The following ZFP62 variants were observed in gnomAD, a reference collection of about 807,000 sequenced individuals.
ZFP62 encodes ZFP62 zinc finger protein, also known as zinc finger protein 62 homolog.
In ZFP62, 44 loss-of-function variants were observed where a neutral mutation model predicts 56.4. The ratio of observed to expected loss-of-function variants is 0.78; its 90% CI spans 0.61 to 1.00. The LOEUF is 1.00. ZFP62 is among the 50% of genes least tolerant of loss of function. ZFP62 has a pLI of 0.00. For synonymous variants in ZFP62, 421 were observed against 388.9 expected (o/e 1.08, Z -0.97); for missense variants, 1,030 against 1,085.7 (o/e 0.95, Z 0.72).
chr5:180,841,284 C>CAT, the ZFP62 span, among the ~76,000 whole-genome samples: 8 of 141,302 alleles, frequency 5.7e-5, no homozygotes, highest in African/African-American at 8.0e-5. Flanking sequence ...TATATACATA[C>CAT]ATATATATAC....
downstream of ZFP62, among the ~76,000 whole-genome samples, chr5:180,845,090 G>C (rs1270288457): frequency 1.3e-5 from 2 of 152,036 alleles, no homozygotes; most frequent in Non-Finnish European, 2.9e-5. Flanking sequence ...TCAGCACCTT[G>C]GGAGTCTGAG....
At chr5:180,837,312 C>T in the ZFP62 span, among the ~76,000 whole-genome samples, 1 of 152,216 alleles carries the variant, frequency 6.6e-6, no homozygotes, top group Non-Finnish European at 1.5e-5. Context: ...CGTGTGACAT[C>T]ATCACTAGCA....
chr5:180,844,153 T>A (rs1397952039), downstream of ZFP62, among the ~76,000 whole-genome samples: 1 of 152,252 alleles, frequency 6.6e-6, no homozygotes, highest in Non-Finnish European at 1.5e-5. Context: ...ACTTTTGCTC[T>A]CATTCTTATC....
the ZFP62 span, chr5:180,835,599 T>C: frequency 6.6e-6 from 1 of 152,216 alleles, no homozygotes; most frequent in South Asian, 2.1e-4. Context: ...GTAACTGTTG[T>C]GAGGTAAAAA....
At chr5:180,846,767 C>G (rs1773421887), downstream of ZFP62, among the ~76,000 whole-genome samples, 1 of 152,222 alleles carries the variant, frequency 6.6e-6, no homozygotes, top group African/African-American at 2.4e-5. Flanking sequence ...TCATCCTCAT[C>G]TACCAGAATC....
rs1773669859 is a variant in ZFP62, at chr5:180,850,957, T to G, written c.538A>C (p.Ser180Arg). 1 of 1,554,210 alleles carries G rather than the reference T, an allele frequency of 6.4e-7. No individual in the cohort carries two copies. The highest frequency in any genetic ancestry group is 2.0e-5 in the Admixed American group (1 of 51,114). Residue 180 changes from serine to arginine, a missense_variant, in exon 2 of 2, where the codon AGC becomes CGC. By Grantham distance (110) the Ser-to-Arg change is moderately radical. Coordinates refer to ENST00000502412, the MANE Select transcript of ZFP62 (RefSeq NM_001172638.2). ...ECDDCGGTFR[S>R]SSSLRVHKRI... ...TTGTGGACCCGAAGGCTCGAGCTGC[T>G]CCGGAAAGTCCCTCCACAGTCATCA...
intron 1 of ZFP62, among the ~76,000 whole-genome samples, 185 bp from the exon 2 acceptor site, chr5:180,851,678 C>T (rs1251050370): frequency 6.6e-6 from 1 of 152,226 alleles, no homozygotes; most frequent in Non-Finnish European, 1.5e-5. Flanking sequence ...GACAAAATTT[C>T]TGCCCCTGTG....
chr5:180,833,672 ATT>A, the ZFP62 span, among the ~76,000 whole-genome samples: 83 of 138,362 alleles, frequency 6.0e-4, no homozygotes, highest in East Asian at 1.7e-3. Context: ...ATGACACGGT[ATT>A]TTTTTTTTTT....
rs1561904107 is a variant in ZFP62, at chr5:180,850,438, T to C, written c.1057A>G (p.Ile353Val). 6.4e-7 allele frequency: 1 copy of C among 1,554,476 alleles called. No individual in the cohort carries two copies. The highest frequency in any genetic ancestry group is 1.4e-5 in the African/African-American group (1 of 73,184). ...CCAGTGTGGATGACTTTATGCTGAA[T>C]GAGAAGAGAGCTATAATTAAAAGAT... is the stretch of plus-strand genomic sequence containing the variant. ...EKSFNYSSLL[I>V]QHKVIHTGEK... is the part of the protein sequence containing the mutation. Residue 353 changes from isoleucine to valine, a missense_variant, in exon 2 of 2, where the codon ATT becomes GTT. By Grantham distance (29) the Ile-to-Val change is conservative. Coordinates refer to ENST00000502412, the MANE Select transcript of ZFP62 (RefSeq NM_001172638.2).
At position 180,849,124 on chromosome 5, in the gene ZFP62, C is replaced by T; in HGVS notation, c.2371G>A (p.Gly791Arg). 6.4e-7 allele frequency: 1 copy of T among 1,560,262 alleles called. No homozygotes were observed. The highest frequency in any genetic ancestry group is 8.7e-7 in the Non-Finnish European group (1 of 1,152,346). The change falls in exon 2 of 2, where the codon GGG (glycine) becomes AGG (arginine). Residue 791 changes from glycine to arginine, a missense_variant. Physicochemically the swap from Gly to Arg is moderately radical, Grantham distance 125 (BLOSUM62 -2). Transcript: ENST00000502412. ...CTTGAGTGTGAGATGTATGCCTTCC[C>T]ACACTCATCACATTCATAGGGTTTC... ...GEKPYECDEC[G>R]KAYISHSSLI...
At chr5:180,843,092 C>T (rs902143682), downstream of ZFP62, among the ~76,000 whole-genome samples, 20 of 148,720 alleles carry the variant, frequency 1.3e-4, no homozygotes, top group African/African-American at 4.7e-4. Flanking sequence ...AGTAATTAAA[C>T]GTTTGGTATA....
chr5:180,827,537 G>T, the ZFP62 span, among the ~76,000 whole-genome samples: 7,372 of 152,226 alleles, frequency 0.048, 541 homozygotes, highest in African/African-American at 0.16. Context: ...CTAATCTCAA[G>T]TACCCAGGGA....
the ZFP62 span, among the ~76,000 whole-genome samples, chr5:180,841,644 C>CA: frequency 1.1e-3 from 172 of 152,296 alleles, no homozygotes; most frequent in Non-Finnish European, 1.4e-3. Context: ...GTGACACACT[C>CA]AGAGTCAACA....
intron 1 of ZFP62, among the ~76,000 whole-genome samples, chr5:180,858,917 T>C (rs1489479282): frequency 6.6e-6 from 1 of 152,208 alleles, no homozygotes; most frequent in Non-Finnish European, 1.5e-5. Flanking sequence ...GCGTCAGACA[T>C]AGAACGCCAC....
At position 180,848,795 on chromosome 5, in the gene ZFP62, CAG is replaced by C. The variant is rs1333682284; in HGVS notation, c.2698_2699del (p.Leu900ValfsTer19). The C allele has an allele frequency of 6.6e-7, 1 of 1,522,992 alleles. No homozygotes were observed. The highest frequency in any genetic ancestry group is 8.9e-7 in the Non-Finnish European group (1 of 1,129,820). 94.3% of individuals were successfully genotyped at this position (1,522,992 alleles called of 1,614,324 possible). A position where few individuals can be genotyped will look rare whatever the true frequency, so the allele number is the denominator to read the frequency against. Reference protein sequence around the residue: ...ALDGGRMRMPL With the variant: ...ALDGGRMRMPX ...GAGACTTGGTAAGCTCTGCCTGCTA[CAG>C]AGGCATCCTCATCCTGCCCCCATCC... On this transcript the variant is annotated frameshift_variant, in exon 2 of 2. Transcript: ENST00000502412. LOFTEE classifies it high-confidence loss of function.
At position 180,850,523 on chromosome 5, in the gene ZFP62, A is replaced by C; in HGVS notation, c.972T>G (p.Leu324=). The C allele has an allele frequency of 6.4e-7, 1 of 1,553,254 alleles. No homozygotes were observed. Among genetic ancestry groups the C allele is most frequent in the African/African-American group, 1.4e-5 (1 of 73,038 alleles). The part of the protein sequence containing the change: ...CGKAFITCRT[L]LNHKSIHFGD... The stretch of plus-strand genomic sequence containing the variant: ...CAAAGTGGATGCTTTTATGGTTGAG[A>C]AGTGTTCTACAAGTAATGAAGGCCT... Residue 324 remains leucine, a synonymous_variant, in exon 2 of 2, where the codon CTT becomes CTG. Coordinates refer to ENST00000502412, the MANE Select transcript of ZFP62 (RefSeq NM_001172638.2).
chr5:180,828,670 CGT>C, the ZFP62 span, among the ~76,000 whole-genome samples: 3 of 152,048 alleles, frequency 2.0e-5, no homozygotes, highest in Non-Finnish European at 4.4e-5. Context: ...GATTATAAAA[CGT>C]GTGTTTGAAC....
In ZFP62 at chr5:180,849,570, T is replaced by C. The variant is rs1773566576; in HGVS notation, c.1925A>G (p.Glu642Gly). Residue 642 changes from glutamate (E) to glycine (G), a missense_variant, in exon 2 of 2, where the codon GAG becomes GGG. Transcript: ENST00000502412. ...LSQHRRVHTR[E>G]KPYECDRCEK... Reference sequence around the variant, plus strand: ...ACACCTGTCACATTCATAGGGTTTCTCTCTAGTGTGGACCCTTCTGTGCTG... The same window carrying C: ...ACACCTGTCACATTCATAGGGTTTCCCTCTAGTGTGGACCCTTCTGTGCTG... 6.4e-7 allele frequency: 1 copy of C among 1,552,122 alleles called. No homozygotes were observed. The highest frequency in any genetic ancestry group is 8.7e-7 in the Non-Finnish European group (1 of 1,147,124).
downstream of ZFP62, among the ~76,000 whole-genome samples, chr5:180,847,131 T>G (rs1416836772): frequency 6.6e-6 from 1 of 152,226 alleles, no homozygotes; most frequent in Non-Finnish European, 1.5e-5. Flanking sequence ...ACTACATGGC[T>G]GAGATTGTTC....
Sources: gnomAD v4.1 joint callset for allele counts (sites outside exome capture counted in the v4.1 genomes callset) on GRCh38, gnomAD v4.1.1 for gene constraint, MANE v1.5 for transcripts, NCBI Gene and HGNC (gene_info 2026-07-23, HGNC 2026-07-21) for gene names.